The following SUMF1 variants were observed in gnomAD, a reference collection of about 807,000 sequenced individuals.
The protein encoded by SUMF1 is sulfatase modifying factor 1, also known as formylglycine-generating enzyme.
SUMF1 carries 48 observed loss-of-function variants against 47.6 expected under a neutral mutation model. The observed-to-expected ratio is 1.01, with a 90% CI of 0.80 to 1.28. The LOEUF is 1.28. Among genes scored for constraint, SUMF1 ranks in the 50% most tolerant of loss-of-function variants. SUMF1 has a pLI of 0.00. For missense variants in SUMF1, 571 were observed against 485.4 expected, an observed-to-expected ratio of 1.18 and a Z score of -1.66; for synonymous variants, 230 against 192.1, an observed-to-expected ratio of 1.20 and a Z score of -1.63.
chr3:4,217,523 T>TAATATATATATAATTC (rs796624587), intron 8 of SUMF1, among the ~76,000 whole-genome samples: 1 of 48,594 alleles, frequency 2.1e-5, no homozygotes, highest in African/African-American at 8.1e-5. Context: ...TTTATATATA[T>TAATATATATATAATTC]ATATATATAT....
intron 8 of SUMF1, among the ~76,000 whole-genome samples, chr3:4,227,786 C>T (rs912005244): frequency 2.6e-5 from 4 of 152,098 alleles, no homozygotes; most frequent in Admixed American, 2.0e-4. Flanking sequence ...GCTTTTAGTC[C>T]CTAGAGCCAG....
At chr3:4,296,462 T>TC (rs1208967120) in intron 8 of SUMF1, among the ~76,000 whole-genome samples, 2 of 126,620 alleles carry the variant, frequency 1.6e-5, no homozygotes, top group African/African-American at 2.9e-5. Context: ...TTTAATGGAC[T>TC]CACAGTTTCA....
Position 4,410,729 on chromosome 3 carries a change from G to A in SUMF1, c.954+136C>T, listed in dbSNP as rs1204062002. ...TTGAAATAAGAAACATGCGCTTAAT[G>A]TGCCTTTAGGGAAATCCCAAGATTA... On this transcript the variant is annotated intron_variant, in intron 7 of 8. Transcript: ENST00000272902. The A allele has an allele frequency of 1.5e-5, 12 of 788,350 alleles. No individual in the cohort carries two copies. The East Asian group carries it at 2.8e-4, about 18-fold the overall frequency. The allele number at this position is 788,350 out of a possible 1,614,324, so 48.8% of individuals were successfully genotyped here. A position where few individuals can be genotyped will look rare whatever the true frequency, so the allele number is the denominator to read the frequency against.
chr3:4,206,385 C>T (rs1695653278), intron 8 of SUMF1, among the ~76,000 whole-genome samples: 1 of 152,054 alleles, frequency 6.6e-6, no homozygotes. Flanking sequence ...ATTTAGTACC[C>T]TAGAGCACTT....
chr3:4,219,529 G>C (rs1696015523), intron 8 of SUMF1, among the ~76,000 whole-genome samples: 1 of 152,130 alleles, frequency 6.6e-6, no homozygotes, highest in African/African-American at 2.4e-5. Context: ...AAGTTGCAAA[G>C]TCTCCCACAG....
chr3:4,237,068 G>C (rs1696425725), intron 8 of SUMF1, among the ~76,000 whole-genome samples: 1 of 151,968 alleles, frequency 6.6e-6, no homozygotes, highest in Non-Finnish European at 1.5e-5. Flanking sequence ...TTCATAACTG[G>C]GTAGCTTATT....
At chr3:4,203,587 A>T (rs1201077808) in intron 8 of SUMF1, among the ~76,000 whole-genome samples, 3 of 151,954 alleles carry the variant, frequency 2.0e-5, no homozygotes, top group Non-Finnish European at 4.4e-5. Context: ...GTTACATTCA[A>T]TGTTACTATT....
Position 4,375,031 on chromosome 3 carries a change from G to T in SUMF1, c.1014+1299C>A, listed in dbSNP as rs187617608. On this transcript the variant is annotated intron_variant, in intron 8 of 8. Coordinates refer to ENST00000272902, the MANE Select transcript of SUMF1 (RefSeq NM_182760.4). ...TTTAAAAATTAGCCAAGTTACTTAG[G>T]AGGCTGAGATGGGAGGATCGCTTGA... 4.0e-3 allele frequency among the ~76,000 whole-genome samples: 606 copies of T among 150,798 alleles called. 10 individuals carry two copies. The highest frequency in any genetic ancestry group is 0.015 in the African/African-American group (595 of 41,024).
intron 8 of SUMF1, among the ~76,000 whole-genome samples, chr3:4,354,484 C>G (rs984440187): frequency 6.6e-6 from 1 of 152,144 alleles, no homozygotes; most frequent in Non-Finnish European, 1.5e-5. Flanking sequence ...AGAAAATACC[C>G]AGAGTTTCAC....
rs1699040708 is a variant in SUMF1, at chr3:4,331,018, G to C, written c.1014+45312C>G. Among the ~76,000 whole-genome samples, 4 of 152,030 alleles carry C rather than the reference G, an allele frequency of 2.6e-5. No individual in the cohort carries two copies. In the South Asian group the frequency reaches 8.3e-4, roughly 32 times the overall value. On this transcript the variant is annotated intron_variant and NMD_transcript_variant, in intron 8 of 12. Coordinates refer to the SUMF1 transcript ENST00000448413. ...TTTTGATATTAATATTTACTGTATA[G>C]AAAAAGTAAATAATCATTTTAAATT...
intron 3 of SUMF1, among the ~76,000 whole-genome samples, chr3:4,442,416 C>A (rs888667471): frequency 1.2e-4 from 5 of 42,480 alleles, no homozygotes; most frequent in Non-Finnish European, 3.8e-4. Context: ...ACACCACGCC[C>A]GGCTAATTTT....
chr3:4,204,307 T>A (rs1695604580), intron 8 of SUMF1, among the ~76,000 whole-genome samples: 1 of 152,150 alleles, frequency 6.6e-6, no homozygotes, highest in South Asian at 2.1e-4. Flanking sequence ...TGTTAGCTAC[T>A]GTCTCCTGGT....
intron 8 of SUMF1, among the ~76,000 whole-genome samples, chr3:4,108,507 A>G (rs757771296): frequency 1.1e-4 from 17 of 152,094 alleles, no homozygotes; most frequent in Non-Finnish European, 2.4e-4. Context: ...TGATCTGTCT[A>G]ATGTTGACAG....
At chr3:4,382,370 C>G (rs1467778855) in intron 7 of SUMF1, among the ~76,000 whole-genome samples, 1 of 147,544 alleles carries the variant, frequency 6.8e-6, no homozygotes, top group Non-Finnish European at 1.5e-5. Flanking sequence ...TACCTAAAGC[C>G]TAAATATAAT....
At chr3:4,157,199 C>T (rs1356324432) in intron 8 of SUMF1, among the ~76,000 whole-genome samples, 1 of 151,544 alleles carries the variant, frequency 6.6e-6, no homozygotes, top group African/African-American at 2.4e-5. Flanking sequence ...GCATCACAGA[C>T]ATCTCCAATT....
intron 8 of SUMF1, among the ~76,000 whole-genome samples, chr3:4,348,435 C>G (rs1410040968): frequency 6.6e-6 from 1 of 152,112 alleles, no homozygotes; most frequent in Non-Finnish European, 1.5e-5. Flanking sequence ...GGAAAGGATT[C>G]CCTATTTAAT....
chr3:4,135,234 G>A (rs956621015), intron 8 of SUMF1, among the ~76,000 whole-genome samples: 1 of 152,054 alleles, frequency 6.6e-6, no homozygotes, highest in East Asian at 1.9e-4. Context: ...ATAAAATACT[G>A]GCAAAGTGAA....
chr3:4,040,880 T>C (rs1292231665), intron 9 of SUMF1, among the ~76,000 whole-genome samples: 1 of 152,116 alleles, frequency 6.6e-6, no homozygotes, highest in Non-Finnish European at 1.5e-5. Context: ...GTGGGCTAAC[T>C]CAGAGGGCAC....
chr3:4,099,639 T>C (rs924913652), intron 8 of SUMF1, among the ~76,000 whole-genome samples: 1 of 152,010 alleles, frequency 6.6e-6, no homozygotes, highest in East Asian at 1.9e-4. Context: ...AGAAATACAA[T>C]GTATCCAAAT....
Sources: gnomAD v4.1 joint callset for allele counts (sites outside exome capture counted in the v4.1 genomes callset) on GRCh38, gnomAD v4.1.1 for gene constraint, MANE v1.5 for transcripts, NCBI Gene and HGNC (gene_info 2026-07-23, HGNC 2026-07-21) for gene names.